The following GRID2 variants were observed in gnomAD, a reference collection of about 807,000 sequenced individuals.
GRID2 encodes the protein glutamate receptor ionotropic, delta-2.
GRID2 carries 33 observed loss-of-function variants against 114.8 expected under a neutral mutation model. The observed-to-expected ratio is 0.29, with a 90% CI of 0.22 to 0.38. The LOEUF is 0.38. Among genes scored for constraint, GRID2 ranks in the 10% least tolerant of loss-of-function variants. GRID2 has a pLI of 1.00. For missense variants in GRID2, 1,184 were observed against 1,257.7 expected, an observed-to-expected ratio of 0.94 and a Z score of 0.89; for synonymous variants, 505 against 449.9, an observed-to-expected ratio of 1.12 and a Z score of -1.55.
intron 2 of GRID2, among the ~76,000 whole-genome samples, chr4:93,015,889 A>G (rs1722650503): frequency 6.6e-6 from 1 of 152,152 alleles, no homozygotes; most frequent in African/African-American, 2.4e-5. Context: ...AAACAATTTC[A>G]TAAGAATGGA....
chr4:93,258,120 A>G (rs926582191), intron 8 of GRID2, among the ~76,000 whole-genome samples: 1 of 151,342 alleles, frequency 6.6e-6, no homozygotes, highest in African/African-American at 2.4e-5. Context: ...CATACATTAA[A>G]AAATTTTATT....
chr4:92,580,772 G>T (rs1371076723), intron 1 of GRID2, among the ~76,000 whole-genome samples: 1 of 152,016 alleles, frequency 6.6e-6, no homozygotes, highest in East Asian at 1.9e-4. Context: ...TACTAAAAAG[G>T]TAGAGTAAAT....
intron 14 of GRID2, among the ~76,000 whole-genome samples, chr4:93,651,208 C>T (rs1722551317): frequency 6.6e-6 from 1 of 152,194 alleles, no homozygotes; most frequent in African/African-American, 2.4e-5. Flanking sequence ...TCTTATCCCT[C>T]ACAGCAAACA....
chr4:93,292,978 T>C (rs1386853380), intron 8 of GRID2, among the ~76,000 whole-genome samples: 1 of 152,184 alleles, frequency 6.6e-6, no homozygotes, highest in Non-Finnish European at 1.5e-5. Context: ...TGCATAGCCC[T>C]TTAGCTGTGG....
intron 4 of GRID2, among the ~76,000 whole-genome samples, chr4:93,130,670 A>G (rs1734717215): frequency 6.6e-6 from 1 of 152,170 alleles, no homozygotes; most frequent in Non-Finnish European, 1.5e-5. Context: ...CAGTATTCCC[A>G]TAATTTATTG....
At chr4:92,958,769 G>C (rs1212738286) in intron 2 of GRID2, among the ~76,000 whole-genome samples, 1 of 151,992 alleles carries the variant, frequency 6.6e-6, no homozygotes. Flanking sequence ...TGAATGTGTG[G>C]TAGAATTCAT....
intron 1 of GRID2, among the ~76,000 whole-genome samples, chr4:92,421,915 C>T (rs151267693): frequency 3.4e-4 from 52 of 152,196 alleles, no homozygotes; most frequent in African/African-American, 1.1e-3. Flanking sequence ...AAAAGTTCCT[C>T]GCTTCTTGCA....
At chr4:92,811,377 G>C (rs1328599859) in intron 2 of GRID2, among the ~76,000 whole-genome samples, 3 of 151,884 alleles carry the variant, frequency 2.0e-5, no homozygotes, top group South Asian at 2.1e-4. Flanking sequence ...AATATTTTCA[G>C]TATTATCTGT....
chr4:93,590,613 G>A (rs1738148744), intron 13 of GRID2, among the ~76,000 whole-genome samples: 2 of 152,110 alleles, frequency 1.3e-5, no homozygotes, highest in Non-Finnish European at 1.5e-5. Context: ...TAGCTTGATG[G>A]GGATAGCATT....
chr4:92,558,665 A>G (rs1210469326), intron 1 of GRID2, among the ~76,000 whole-genome samples: 1 of 152,062 alleles, frequency 6.6e-6, no homozygotes, highest in Admixed American at 6.6e-5. Flanking sequence ...TTGTGCTTTT[A>G]TCAAAGGCAC....
chr4:93,168,206 G>T (rs1315769362), intron 4 of GRID2, among the ~76,000 whole-genome samples: 2 of 137,698 alleles, frequency 1.5e-5, no homozygotes, highest in Non-Finnish European at 3.2e-5. Context: ...TATCTCAAAA[G>T]AAAGAAAAGG....
chr4:93,028,532 C>A (rs1035270077), intron 2 of GRID2, among the ~76,000 whole-genome samples: 4 of 151,960 alleles, frequency 2.6e-5, no homozygotes, highest in African/African-American at 7.3e-5. Context: ...GATGATGAAA[C>A]CATGGAGTAC....
At chr4:93,266,083 G>A (rs550781210) in intron 8 of GRID2, among the ~76,000 whole-genome samples, 2 of 152,164 alleles carry the variant, frequency 1.3e-5, no homozygotes, top group South Asian at 4.2e-4. Flanking sequence ...CACTCAGACG[G>A]GGATCATTCA....
chr4:92,453,994 G>T (rs1356492834), intron 1 of GRID2, among the ~76,000 whole-genome samples: 3 of 152,030 alleles, frequency 2.0e-5, no homozygotes, highest in African/African-American at 7.2e-5. Flanking sequence ...TGCACACTTT[G>T]GCCACAGCCA....
intron 1 of GRID2, among the ~76,000 whole-genome samples, chr4:92,314,717 A>G (rs1725879053): frequency 6.6e-6 from 1 of 152,152 alleles, no homozygotes; most frequent in African/African-American, 2.4e-5. Context: ...AGCATAAATG[A>G]ACTTAATGTT....
chr4:93,611,785 T>C (rs1271094739), intron 13 of GRID2, among the ~76,000 whole-genome samples: 24 of 149,688 alleles, frequency 1.6e-4, no homozygotes, highest in African/African-American at 6.0e-4. Context: ...AAAAAATGTA[T>C]ATTCTGTTGA....
At chr4:93,199,052 T>C (rs1419614491) in intron 4 of GRID2, among the ~76,000 whole-genome samples, 1 of 152,106 alleles carries the variant, frequency 6.6e-6, no homozygotes, top group African/African-American at 2.4e-5. Context: ...AATATTTTAG[T>C]GTAATTTCCT....
intron 1 of GRID2, among the ~76,000 whole-genome samples, chr4:92,480,808 C>T (rs1236224478): frequency 3.3e-5 from 5 of 152,140 alleles, no homozygotes; most frequent in African/African-American, 9.7e-5. Flanking sequence ...CCTCAACCTA[C>T]TTCAGTCCTC....
chr4:92,687,773 G>A (rs1054915405), intron 2 of GRID2, among the ~76,000 whole-genome samples: 1 of 151,950 alleles, frequency 6.6e-6, no homozygotes, highest in African/African-American at 2.4e-5. Context: ...AGCTTGCAGT[G>A]AGCCAAGATT....
Sources: allele counts gnomAD v4.1 joint callset (sites outside exome capture counted in the v4.1 genomes callset), GRCh38; gene constraint gnomAD v4.1.1; transcripts MANE v1.5; gene names NCBI Gene and HGNC (gene_info 2026-07-23, HGNC 2026-07-21).